Variants in STOML3 observed in about 807,000 individuals in gnomAD.
The protein encoded by STOML3 is stomatin-like protein 3.
Under a neutral mutation model 29.5 loss-of-function variants are expected in STOML3, and 31 were observed. The observed-to-expected ratio is 1.05, with a 90% CI of 0.79 to 1.42. The LOEUF (loss-of-function observed/expected upper bound fraction) is 1.42. Among genes scored for constraint, STOML3 ranks in the 40% most tolerant of loss-of-function variants. The probability of loss-of-function intolerance (pLI) is 0.00; values close to 1 mark genes in which losing one functional copy is unlikely to be tolerated. For synonymous variants in STOML3, 122 were observed against 139.8 expected (o/e 0.87, Z 0.90); for missense variants, 380 against 363.0 (o/e 1.05, Z -0.38).
In STOML3 at chr13:38,972,576, G is replaced by A. The variant is rs1472844479; in HGVS notation, c.248C>T (p.Pro83Leu). The change falls in exon 4 of 7, where the codon CCA (proline) becomes CTA (leucine). Residue 83 changes from proline to leucine, a missense_variant. Pro to Leu is a moderately conservative substitution (Grantham distance 98). Coordinates refer to ENST00000379631, the MANE Select transcript of STOML3 (RefSeq NM_145286.3). Reference sequence around the variant, plus strand: ...AACTTTGACAAACACATCTATGCATGGCAGGACCAGGATCAAACCTATGAG... The same window carrying A: ...AACTTTGACAAACACATCTATGCATAGCAGGACCAGGATCAAACCTATGAG... ...AKGPGLILVLPCIDVFVKVDL... is the reference protein window; with the variant it reads ...AKGPGLILVLLCIDVFVKVDL... 6.2e-7 allele frequency: 1 copy of A among 1,613,838 alleles called. No individual in the cohort carries two copies. The highest frequency in any genetic ancestry group is 1.3e-5 in the African/African-American group (1 of 74,902).
intron 1 of STOML3, among the ~76,000 whole-genome samples, chr13:38,977,750 A>ATTTTTTTTTTTTTTGTTTTTTT (rs1881131496): frequency 1.2e-5 from 1 of 84,186 alleles, no homozygotes; most frequent in Non-Finnish European, 2.3e-5. Context: ...AAGTCTCCGG[A>ATTTTTTTTTTTTTTGTTTTTTT]TTTTTTTTTT....
chr13:38,968,449 T>G lies in STOML3; in HGVS notation c.602A>C (p.Gln201Pro). ...IKDVRIPVQL[Q>P]RSMAAEAEAT... ...CTCAGCCTCGGCTGCCATGGATCTC[T>G]GCAACTGCACGGGAATCCGAACATC... The change falls in exon 6 of 7, where the codon CAG (glutamine) becomes CCG (proline). Residue 201 changes from glutamine (Q) to proline (P), a missense_variant. Gln to Pro is a moderately conservative substitution (Grantham distance 76). Coordinates refer to ENST00000379631, the MANE Select transcript of STOML3 (RefSeq NM_145286.3). 6.2e-7 allele frequency: 1 copy of G among 1,614,166 alleles called. No homozygotes were observed. The highest frequency in any genetic ancestry group is 2.2e-5 in the East Asian group (1 of 44,866).
Position 38,990,661 on chromosome 13 carries a change from G to T in STOML3, c.52+9C>A. Reference sequence around the variant, plus strand: ...AAAAACAAGCCTAAGACAGGAAAAAGGAACTTACCCACGAAATTCTCTTTA... The same window carrying T: ...AAAAACAAGCCTAAGACAGGAAAAATGAACTTACCCACGAAATTCTCTTTA... On this transcript the variant is annotated intron_variant, in intron 1 of 6. Coordinates refer to ENST00000379631, the MANE Select transcript of STOML3 (RefSeq NM_145286.3). 1 of 1,613,782 alleles carries T rather than the reference G, an allele frequency of 6.2e-7. No individual in the cohort carries two copies. Among genetic ancestry groups the T allele is most frequent in the Non-Finnish European group, 8.5e-7 (1 of 1,179,812 alleles).
intron 3 of STOML3, among the ~76,000 whole-genome samples, chr13:38,976,196 G>T (rs1881068459): frequency 6.6e-6 from 1 of 152,138 alleles, no homozygotes; most frequent in Non-Finnish European, 1.5e-5. Flanking sequence ...GTGTGCGTTG[G>T]CCATTTACTT....
intron 1 of STOML3, among the ~76,000 whole-genome samples, chr13:38,986,308 T>A (rs532861143): frequency 6.6e-6 from 1 of 152,184 alleles, no homozygotes; most frequent in African/African-American, 2.4e-5. Context: ...GTGCTGAGAT[T>A]GCAGGCATGA....
chr13:38,979,171 A>T (rs1407208511), intron 1 of STOML3, among the ~76,000 whole-genome samples: 2 of 152,210 alleles, frequency 1.3e-5, no homozygotes, highest in African/African-American at 2.4e-5. Flanking sequence ...GAATACTCTG[A>T]AATTTAAATT....
intron 3 of STOML3, among the ~76,000 whole-genome samples, chr13:38,974,438 AGAGTT>A (rs1176128381): frequency 1.3e-5 from 2 of 152,130 alleles, no homozygotes; most frequent in Non-Finnish European, 2.9e-5. Context: ...AGAACTAGAC[AGAGTT>A]AAGTCCCAAC....
chr13:38,987,989 T>C (rs1868692167), intron 1 of STOML3, among the ~76,000 whole-genome samples: 1 of 103,970 alleles, frequency 9.6e-6, no homozygotes, highest in Non-Finnish European at 1.7e-5. Flanking sequence ...ATATATAATA[T>C]ATTATATTTT....
intron 5 of STOML3, among the ~76,000 whole-genome samples, chr13:38,969,702 T>C (rs1431805338): frequency 6.6e-6 from 1 of 152,198 alleles, no homozygotes; most frequent in East Asian, 1.9e-4. Flanking sequence ...ATTGATATCA[T>C]AATTATCATT....
chr13:38,975,627 A>G (rs1341709931), intron 3 of STOML3, among the ~76,000 whole-genome samples: 1 of 152,210 alleles, frequency 6.6e-6, no homozygotes, highest in Non-Finnish European at 1.5e-5. Flanking sequence ...ATAGCCCCTC[A>G]TTTCCAGAGT....
intron 1 of STOML3, among the ~76,000 whole-genome samples, chr13:38,989,087 C>T (rs1868889195): frequency 6.7e-6 from 1 of 150,110 alleles, no homozygotes; most frequent in Non-Finnish European, 1.5e-5. Flanking sequence ...GTTGCAAGGG[C>T]AAACTTAGTC....
Position 38,972,589 on chromosome 13 carries a change from T to C in STOML3, c.235A>G (p.Ile79Val), listed in dbSNP as rs1483559026. 1 of 1,613,826 alleles carries C rather than the reference T, an allele frequency of 6.2e-7. No homozygotes were observed. Among genetic ancestry groups the C allele is most frequent in the Non-Finnish European group, 8.5e-7 (1 of 1,179,880 alleles). The change falls in exon 4 of 7, where the codon ATC becomes GTC. Residue 79 changes from isoleucine (I) to valine (V), a missense_variant. Coordinates refer to ENST00000379631, the MANE Select transcript of STOML3 (RefSeq NM_145286.3). ...ACATCTATGCATGGCAGGACCAGGA[T>C]CAAACCTATGAGAGAAAAAATCAGT... ...QADKAKGPGL[I>V]LVLPCIDVFV...
chr13:38,971,779 G>C (rs1206885545), intron 4 of STOML3, among the ~76,000 whole-genome samples: 1 of 152,078 alleles, frequency 6.6e-6, no homozygotes, highest in Non-Finnish European at 1.5e-5. Context: ...ACAAAAATTA[G>C]CTGGGCGTGG....
intron 1 of STOML3, among the ~76,000 whole-genome samples, chr13:38,979,699 G>A (rs968306106): frequency 2.6e-5 from 4 of 152,088 alleles, no homozygotes; most frequent in African/African-American, 9.7e-5. Context: ...GATCATTAAG[G>A]TTATTTGCAA....
At chr13:38,969,307 C>A (rs2138005419) in intron 5 of STOML3, among the ~76,000 whole-genome samples, 1 of 152,138 alleles carries the variant, frequency 6.6e-6, no homozygotes, top group South Asian at 2.1e-4. Flanking sequence ...GGATAGCTCC[C>A]CTAAAGAGGT....
Position 38,976,757 on chromosome 13 carries a change from C to T in STOML3, c.93G>A (p.Leu31=), listed in dbSNP as rs370486098. ...TCACCAACAGGAAAGAGAGGGAAAA[C>T]AGGATCCAGCCACATACACCAAGCC... ...NKRLGVCGWI[L]FSLSFLLVII... is the part of the protein sequence containing the mutation. The change falls in exon 2 of 7, where the codon CTG becomes CTA. Residue 31 remains leucine, a synonymous_variant. Transcript: ENST00000379631. The T allele has an allele frequency of 1.3e-4, 204 of 1,613,858 alleles. No homozygotes were observed. The highest frequency in any genetic ancestry group is 1.6e-4 in the Non-Finnish European group (191 of 1,179,990).
intron 1 of STOML3, among the ~76,000 whole-genome samples, chr13:38,986,406 T>A (rs1473514814): frequency 1.3e-5 from 2 of 152,106 alleles, no homozygotes; most frequent in African/African-American, 4.8e-5. Context: ...GTGCTTTGTG[T>A]TATCAAAGCA....
At chr13:38,970,975 A>T (rs1880842662) in intron 4 of STOML3, among the ~76,000 whole-genome samples, 1 of 152,146 alleles carries the variant, frequency 6.6e-6, no homozygotes, top group South Asian at 2.1e-4. Context: ...TTACAGAGCT[A>T]GAAAAGTCCC....
At chr13:38,970,862 T>C (rs1358538077) in intron 4 of STOML3, among the ~76,000 whole-genome samples, 1 of 152,162 alleles carries the variant, frequency 6.6e-6, no homozygotes, top group East Asian at 1.9e-4. Context: ...TTTCGCTCTA[T>C]GGAGAGGCTC....
Sources: gnomAD v4.1 joint callset for allele counts (sites outside exome capture counted in the v4.1 genomes callset) on GRCh38, gnomAD v4.1.1 for gene constraint, MANE v1.5 for transcripts, NCBI Gene and HGNC (gene_info 2026-07-23, HGNC 2026-07-21) for gene names.